Variants in AMMECR1 observed in about 807,000 individuals in gnomAD.
AMMECR1 encodes the protein AMMECR nuclear protein 1.
A neutral mutation model predicts 22.5 loss-of-function variants in AMMECR1; 3 were observed. That is an observed-to-expected ratio of 0.13 (90% confidence interval 0.06 to 0.35). The LOEUF (loss-of-function observed/expected upper bound fraction) is 0.35. Ranked by LOEUF, AMMECR1 falls within the 10% of genes least tolerant of loss-of-function variation. AMMECR1 has a pLI of 1.00. For synonymous variants in AMMECR1, 130 were observed against 116.7 expected (o/e 1.11, Z -0.74); for missense variants, 235 against 278.7 (o/e 0.84, Z 1.12).
chrX:110,268,127 T>G (rs1284338644), intron 1 of AMMECR1, among the ~76,000 whole-genome samples: 1 of 112,155 alleles, frequency 8.9e-6, no homozygotes, highest in African/African-American at 3.2e-5. Context: ...GATTTAACAT[T>G]TCTTTGAATT....
At chrX:110,412,413 C>T (rs1414736494) in intron 2 of AMMECR1, among the ~76,000 whole-genome samples, 1 of 112,279 alleles carries the variant, frequency 8.9e-6, no homozygotes, top group Non-Finnish European at 1.9e-5. Flanking sequence ...TAATGACATA[C>T]TAAGCATTAC....
intron 1 of AMMECR1, among the ~76,000 whole-genome samples, chrX:110,433,865 G>T (rs182058108): frequency 6.1e-4 from 69 of 112,266 alleles, no homozygotes; most frequent in African/African-American, 2.1e-3. Flanking sequence ...GAGGAAACCA[G>T]TATCTTATTT....
intron 2 of AMMECR1, among the ~76,000 whole-genome samples, chrX:110,334,949 T>C (rs963148596): frequency 2.7e-5 from 3 of 111,297 alleles, no homozygotes; most frequent in Non-Finnish European, 5.6e-5. Context: ...AGGGAGGGCA[T>C]ATGTAATATA....
intron 2 of AMMECR1, among the ~76,000 whole-genome samples, chrX:110,398,557 C>T (rs1183144524): frequency 1.8e-5 from 2 of 112,361 alleles, no homozygotes; most frequent in Admixed American, 9.4e-5. Flanking sequence ...TCTGTTTTTA[C>T]AAATGATGAA....
intron 2 of AMMECR1, among the ~76,000 whole-genome samples, chrX:110,255,886 A>G (rs1027918237): frequency 8.9e-6 from 1 of 112,321 alleles, no homozygotes; most frequent in East Asian, 2.8e-4. Context: ...CATCACACCA[A>G]GTGTAAATCT....
At chrX:110,430,642 G>C (rs2068789682) in intron 1 of AMMECR1, among the ~76,000 whole-genome samples, 1 of 112,070 alleles carries the variant, frequency 8.9e-6, no homozygotes, top group Non-Finnish European at 1.9e-5. Context: ...TCCACACCAG[G>C]CATGAAAAGG....
intron 2 of AMMECR1, among the ~76,000 whole-genome samples, chrX:110,390,572 A>G (rs190030662): frequency 9.0e-6 from 1 of 111,399 alleles, no homozygotes; most frequent in Admixed American, 9.5e-5. Flanking sequence ...ACTCTCCACT[A>G]CTGTAGATCC....
intron 1 of AMMECR1, among the ~76,000 whole-genome samples, chrX:110,302,159 A>G (rs1457024063): frequency 7.2e-5 from 8 of 111,815 alleles, no homozygotes; most frequent in Non-Finnish European, 1.3e-4. Context: ...AGAGAAAAAG[A>G]TACCTTCTTT....
At chrX:110,322,232 T>G (rs2148230097), upstream of AMMECR1, among the ~76,000 whole-genome samples, 1 of 112,251 alleles carries the variant, frequency 8.9e-6, no homozygotes, top group Non-Finnish European at 1.9e-5. Flanking sequence ...ATATCTACTC[T>G]GAATGTGGAA....
intron 2 of AMMECR1, among the ~76,000 whole-genome samples, chrX:110,244,469 T>C (rs2067648593): frequency 8.9e-6 from 1 of 112,036 alleles, no homozygotes; most frequent in Admixed American, 9.5e-5. Flanking sequence ...ATGTTGAAAT[T>C]GAGTCGTATA....
chrX:110,198,824 C>T (rs1464286377), intron 5 of AMMECR1, among the ~76,000 whole-genome samples, 190 bp from the exon 6 acceptor site: 1 of 111,517 alleles, frequency 9.0e-6, no homozygotes, highest in Non-Finnish European at 1.9e-5. Flanking sequence ...AATCAAAAGT[C>T]TGAGTCCAGT....
At chrX:110,293,259 C>T (rs1219327759) in intron 1 of AMMECR1, among the ~76,000 whole-genome samples, 1 of 111,622 alleles carries the variant, frequency 9.0e-6, no homozygotes, top group African/African-American at 3.3e-5. Flanking sequence ...TCATTGTCCT[C>T]GTGTGTTTGG....
chrX:110,321,134 ATT>A (rs2068077452), upstream of AMMECR1, among the ~76,000 whole-genome samples: 1 of 111,787 alleles, frequency 8.9e-6, no homozygotes. Flanking sequence ...TGTGAAAAAA[ATT>A]TTTTTACATC....
chrX:110,407,736 C>T (rs1226536484), intron 2 of AMMECR1, among the ~76,000 whole-genome samples: 1 of 112,261 alleles, frequency 8.9e-6, no homozygotes, highest in East Asian at 2.8e-4. Context: ...CTGTGTGAGG[C>T]TGACAAGAAA....
chrX:110,426,003 C>T (rs745942459), intron 2 of AMMECR1, among the ~76,000 whole-genome samples: 1 of 107,857 alleles, frequency 9.3e-6, no homozygotes, highest in East Asian at 2.9e-4. Context: ...CACACAAACG[C>T]ACACACACAC....
rs778852992 is a variant in AMMECR1, at chrX:110,371,000, T to G, written c.-147-53151A>C. Among the ~76,000 whole-genome samples the G allele has an allele frequency of 1.7e-4, 19 of 112,105 alleles. No individual in the cohort carries two copies. The South Asian group carries it at 2.7e-3, about 16-fold the overall frequency. On this transcript the variant is annotated intron_variant, in intron 2 of 7. Coordinates refer to the AMMECR1 transcript ENST00000372057. ...TAGTGCCTGCATCTCAAATACCCCT[T>G]AAGATTCCTTGCTATTATTCCTTTG...
At chrX:110,219,475 A>G (rs189355566) in intron 2 of AMMECR1, 324 of 751,959 alleles carry the variant, frequency 4.3e-4, no homozygotes, top group Non-Finnish European at 4.9e-4. Flanking sequence ...GCAGACCAAT[A>G]AAAGATAAGT....
In AMMECR1 at chrX:110,345,227, C is replaced by G. The variant is rs751088113; in HGVS notation, c.-147-27378G>C. Among the ~76,000 whole-genome samples the G allele has an allele frequency of 3.0e-3, 333 of 110,765 alleles. 2 individuals are homozygous for G. Among genetic ancestry groups the G allele is most frequent in the African/African-American group, 0.011 (321 of 30,320 alleles). On this transcript the variant is annotated intron_variant, in intron 2 of 7. Coordinates refer to the AMMECR1 transcript ENST00000372057. The stretch of plus-strand genomic sequence containing the variant: ...GGATGAAGCTGGAAACCATCATTCT[C>G]AGCAAACTATCACAAGGACAAAAAA...
intron 2 of AMMECR1, among the ~76,000 whole-genome samples, chrX:110,229,857 C>T (rs761411095): frequency 8.9e-6 from 1 of 112,801 alleles, no homozygotes; most frequent in Admixed American, 9.3e-5. Context: ...GATTCTCTCC[C>T]GTGCCTGGCT....
Sources: allele counts gnomAD v4.1 joint callset (sites outside exome capture counted in the v4.1 genomes callset), GRCh38; gene constraint gnomAD v4.1.1; transcripts MANE v1.5; gene names NCBI Gene and HGNC (gene_info 2026-07-23, HGNC 2026-07-21).